The following VWF variants were observed in gnomAD, a reference collection of about 807,000 sequenced individuals.
VWF encodes Factor VIII related antigen.
In VWF, 176 loss-of-function variants were observed where a neutral mutation model predicts 308.6. That is an observed-to-expected ratio of 0.57 (90% CI 0.50 to 0.65). The LOEUF (loss-of-function observed/expected upper bound fraction) is 0.65, where lower values mean the gene tolerates loss of function less well. Ranked by LOEUF, VWF falls within the 30% of genes least tolerant of loss-of-function variation. The probability of loss-of-function intolerance (pLI) is 0.00; values close to 1 mark genes in which losing one functional copy is unlikely to be tolerated. For synonymous variants in VWF, 1,385 were observed against 1,443.4 expected (o/e 0.96, Z 0.92); for missense variants, 3,146 against 3,648.2 (o/e 0.86, Z 3.55).
At position 6,023,631 on chromosome 12, in the gene VWF, G is replaced by A. The variant is rs139579968; in HGVS notation, c.3379C>T (p.Pro1127Ser). 342 of 1,613,670 alleles carry A rather than the reference G, an allele frequency of 2.1e-4. No individual in the cohort carries two copies. The highest frequency in any genetic ancestry group is 3.3e-4 in the Middle Eastern group (2 of 6,074). ...AGAACATGAGGGCGTCAGTACTCAC[G>A]GCACAATGTGGCCGTCCTCCAGGTC... ...VVTWRTATLC[P>S]QSCEERNLRE... The change falls in exon 25 of 52, where the codon CCC becomes TCC. Residue 1127 changes from proline (P) to serine (S), a missense_variant and splice_region_variant. Around this residue, in one of 3 missense-constraint regions of VWF, gnomAD observed 853 missense variants for 1,177.8 expected, o/e 0.72. Transcript: ENST00000261405.
chr12:5,950,056 G>A (rs1399096903), intron 50 of VWF, among the ~76,000 whole-genome samples, 173 bp from the exon 51 acceptor site: 45 of 152,172 alleles, frequency 3.0e-4, no homozygotes, highest in Admixed American at 2.2e-3. Flanking sequence ...TTCCTGGCCC[G>A]AAATATGCAG....
In VWF at chr12:6,124,551, C is replaced by G. The variant is rs886049748; in HGVS notation, c.-131G>C. The G allele has an allele frequency of 1.3e-5, 2 of 152,406 alleles. No individual in the cohort carries two copies. Among genetic ancestry groups the G allele is most frequent in the South Asian group, 4.1e-4 (2 of 4,836 alleles). 9.4% of individuals were successfully genotyped at this position (152,406 alleles called of 1,614,324 possible). Reference sequence around the variant, plus strand: ...GGCTCAATCAGGTCTGCTACAGCTCCGGACTGTCTTGCTGTTATGTAGCCC... The same window carrying G: ...GGCTCAATCAGGTCTGCTACAGCTCGGGACTGTCTTGCTGTTATGTAGCCC... On this transcript the variant is annotated 5_prime_UTR_variant, in exon 1 of 52. Coordinates refer to ENST00000261405, the MANE Select transcript of VWF (RefSeq NM_000552.5).
At chr12:6,103,478 AT>A (rs1300375388) in intron 5 of VWF, among the ~76,000 whole-genome samples, 5 of 104,912 alleles carry the variant, frequency 4.8e-5, no homozygotes, top group African/African-American at 8.6e-5. Flanking sequence ...ATATGTGTGT[AT>A]ATACATATAT....
At position 6,072,338 on chromosome 12, in the gene VWF, T is replaced by C; in HGVS notation, c.1102A>G (p.Asn368Asp). The C allele has an allele frequency of 6.2e-7, 1 of 1,613,944 alleles. No homozygotes were observed. The highest frequency in any genetic ancestry group is 8.5e-7 in the Non-Finnish European group (1 of 1,179,976). ...PPGTSLSRDC[N>D]TCICRNSQWI... ...CTGCGCAGCCCCCATTACCAGGTGT[T>C]GCAGTCTCGAGAGAGGGAGGTGCCG... The change falls in exon 9 of 52, where the codon AAC (asparagine) becomes GAC (aspartate). Residue 368 changes from asparagine to aspartate, a missense_variant. Coordinates refer to ENST00000261405, the MANE Select transcript of VWF (RefSeq NM_000552.5).
intron 10 of VWF, among the ~76,000 whole-genome samples, chr12:6,067,952 G>A (rs1375410367): frequency 1.3e-5 from 2 of 151,836 alleles, no homozygotes; most frequent in South Asian, 2.1e-4. Flanking sequence ...TGGCCAACAT[G>A]GTGAAACCCC....
chr12:6,121,376 G>T, intron 2 of VWF, 38 bp from the exon 3 acceptor site: 1 of 1,608,254 alleles, frequency 6.2e-7, no homozygotes, highest in Non-Finnish European at 8.5e-7. Context: ...GGTGATCTCA[G>T]GGCACAACTG....
intron 7 of VWF, among the ~76,000 whole-genome samples, chr12:6,074,041 A>C (rs1944812099): frequency 1.3e-5 from 2 of 151,526 alleles, no homozygotes; most frequent in African/African-American, 4.9e-5. Context: ...CCTCCCCTTC[A>C]CCTAAAACCC....
chr12:5,954,721 G>A (rs1338466107), intron 47 of VWF, among the ~76,000 whole-genome samples: 2 of 152,220 alleles, frequency 1.3e-5, no homozygotes, highest in Non-Finnish European at 2.9e-5. Context: ...GAGCCTACAA[G>A]GAGCCCAGAG....
chr12:6,111,026 TTG>T (rs1945303052), intron 3 of VWF, 58 bp from the exon 4 acceptor site: 1 of 1,454,162 alleles, frequency 6.9e-7, no homozygotes, highest in Non-Finnish European at 9.7e-7. Flanking sequence ...AATGAATACA[TTG>T]ATTAAGAATC....
intron 5 of VWF, among the ~76,000 whole-genome samples, chr12:6,105,586 T>C (rs1945233679): frequency 6.6e-6 from 1 of 152,138 alleles, no homozygotes; most frequent in Non-Finnish European, 1.5e-5. Flanking sequence ...AAGAAGAAAT[T>C]GCATATCAAA....
chr12:6,018,503 G>A lies in VWF; in HGVS notation c.4915C>T (p.Leu1639=), dbSNP rs1450033152. 1 of 1,613,738 alleles carries A rather than the reference G, an allele frequency of 6.2e-7. No individual in the cohort carries two copies. The highest frequency in any genetic ancestry group is 8.5e-7 in the Non-Finnish European group (1 of 1,179,932). ...GCATTGGGCCAGCCAATCCTCTCCA[G>A]CTCCTGCACGTTGGCATTAGGGCCC... ...GVGPNANVQE[L]ERIGWPNAPI... Residue 1639 remains leucine, a synonymous_variant, in exon 28 of 52, where the codon CTG becomes TTG. Coordinates refer to ENST00000261405, the MANE Select transcript of VWF (RefSeq NM_000552.5).
chr12:6,043,329 A>G (rs1304516036), intron 18 of VWF, among the ~76,000 whole-genome samples: 1 of 152,166 alleles, frequency 6.6e-6, no homozygotes, highest in Non-Finnish European at 1.5e-5. Flanking sequence ...TCTACAGAAT[A>G]TTGACAGGTC....
At position 6,052,771 on chromosome 12, in the gene VWF, G is replaced by A. The variant is rs11064012; in HGVS notation, c.1958C>T (p.Pro653Leu). The change falls in exon 16 of 52, where the codon CCG becomes CTG. Residue 653 changes from proline to leucine, a missense_variant. By Grantham distance (98) the Pro-to-Leu change is moderately conservative. Coordinates refer to ENST00000261405, the MANE Select transcript of VWF (RefSeq NM_000552.5). ...GCACTGCAGGTACACCTGGCCTTTC[G>A]GGCAGTTCAGCTCTAGAAGAGAGAG... is the stretch of plus-strand genomic sequence containing the variant. ...REPGRCELNCPKGQVYLQCGT... is the reference protein window; with the variant it reads ...REPGRCELNCLKGQVYLQCGT... 1.8e-5 allele frequency: 28 copies of A among 1,598,810 alleles called. No homozygotes were observed. The East Asian group carries it at 2.9e-4, about 17-fold the overall frequency.
intron 3 of VWF, among the ~76,000 whole-genome samples, chr12:6,120,438 G>A (rs1488251422): frequency 6.6e-6 from 1 of 152,022 alleles, no homozygotes; most frequent in Non-Finnish European, 1.5e-5. Flanking sequence ...AAGTAGCTGG[G>A]ATTATAGACA....
chr12:6,034,718 G>C lies in VWF; in HGVS notation c.2655C>G (p.Phe885Leu), dbSNP rs1478584971. 6.2e-7 allele frequency: 1 copy of C among 1,614,104 alleles called. No individual in the cohort carries two copies. Among genetic ancestry groups the C allele is most frequent in the South Asian group, 1.1e-5 (1 of 91,076 alleles). The change falls in exon 20 of 52, where the codon TTC becomes TTG. Residue 885 changes from phenylalanine to leucine, a missense_variant. Around this residue, in one of 3 missense-constraint regions of VWF, gnomAD observed 1,304 missense variants for 1,353.0 expected, o/e 0.96. Transcript: ENST00000261405. ...CCAGAACGTACTGGCACTCCCCGGG[G>C]AACAGGTATTTGAGCCCGTCGAAGG... ...YLTFDGLKYL[F>L]PGECQYVLVQ...
In VWF at chr12:6,012,069, C is replaced by A. The variant is rs1944002943; in HGVS notation, c.5664+18G>T. 1.2e-6 allele frequency: 2 copies of A among 1,613,506 alleles called. No homozygotes were observed. The highest frequency in any genetic ancestry group is 2.7e-5 in the African/African-American group (2 of 74,790). ...ACATCTCTAACCTTTCTTTCAAAGT[C>A]AACAGAAAGGAACTTACCCTCTTCT... On this transcript the variant is annotated intron_variant, in intron 33 of 51. Transcript: ENST00000261405.
At chr12:6,091,258 C>T (rs11064023) in intron 6 of VWF, among the ~76,000 whole-genome samples, 2 of 140,194 alleles carry the variant, frequency 1.4e-5, no homozygotes, top group Non-Finnish European at 3.0e-5. Context: ...CCAGCTAAAA[C>T]GAAGCTTCCT....
chr12:5,965,530 T>A (rs1943392562), intron 47 of VWF, among the ~76,000 whole-genome samples: 1 of 152,162 alleles, frequency 6.6e-6, no homozygotes, highest in Non-Finnish European at 1.5e-5. Context: ...TCCTCATGCT[T>A]TCTTTGAGCA....
intron 6 of VWF, among the ~76,000 whole-genome samples, chr12:6,079,261 C>A (rs1403519972): frequency 6.6e-6 from 1 of 152,184 alleles, no homozygotes; most frequent in Non-Finnish European, 1.5e-5. Context: ...CTTCCCTGTT[C>A]TGCCACAGGT....
Sources: allele counts gnomAD v4.1 joint callset (sites outside exome capture counted in the v4.1 genomes callset), GRCh38; gene constraint gnomAD v4.1.1; regional missense constraint gnomAD v4.1.1; transcripts MANE v1.5; gene names NCBI Gene and HGNC (gene_info 2026-07-23, HGNC 2026-07-21).